ANO9: variants seen among roughly 807,000 people sequenced by gnomAD.
ANO9 encodes the protein anoctamin-9.
A neutral mutation model predicts 100.5 loss-of-function variants in ANO9; 80 were observed. The observed-to-expected ratio is 0.80, with a 90% CI of 0.66 to 0.96. The LOEUF is 0.96. Among genes scored for constraint, ANO9 ranks in the 40% least tolerant of loss-of-function variants. The pLI is 0.00. For synonymous variants in ANO9, 473 were observed against 435.6 expected (o/e 1.09, Z -1.07); for missense variants, 1,064 against 1,072.7 (o/e 0.99, Z 0.11).
Position 430,342 on chromosome 11 carries a change from G to A in ANO9, c.601C>T (p.Leu201=). The A allele has an allele frequency of 1.2e-6, 2 of 1,610,062 alleles. No homozygotes were observed. Among genetic ancestry groups the A allele is most frequent in the African/African-American group, 1.3e-5 (1 of 74,166 alleles). ...AGGCCCGTCAGGGCGGCCGGCACCAGCATGTAGGTGTACCAGCCCAGCCAG... is the reference window on the plus strand; with the variant it reads ...AGGCCCGTCAGGGCGGCCGGCACCAACATGTAGGTGTACCAGCCCAGCCAG... ...FVWLGWYTYM[L]VPAALTGLLV... Residue 201 remains leucine (L), a synonymous_variant, in exon 8 of 23, where the codon CTG becomes TTG. Coordinates refer to ENST00000332826, the MANE Select transcript of ANO9 (RefSeq NM_001012302.3).
chr11:421,183 G>C lies in ANO9; in HGVS notation c.1350C>G (p.Pro450=). Residue 450 remains proline (P), a synonymous_variant, in exon 16 of 23, where the codon CCC becomes CCG. Coordinates refer to ENST00000332826, the MANE Select transcript of ANO9 (RefSeq NM_001012302.3). This position sits in a 1 kb window ranked among gnomAD's most constrained non-coding sequence, Gnocchi z 6.8. ...AGCCCGCCAGGCGCGTGGACTTCCC[G>C]GGGTGGCCGTTGATCCTGGGGAGGA... ...AFILGRINGH[P]GKSTRLAGLW... is the part of the protein sequence containing the mutation. 1.3e-6 allele frequency: 2 copies of C among 1,556,398 alleles called. No homozygotes were observed. The highest frequency in any genetic ancestry group is 1.7e-6 in the Non-Finnish European group (2 of 1,147,920).
Position 421,734 on chromosome 11 carries a change from G to A in ANO9, c.1335-536C>T, listed in dbSNP as rs1264812321. The stretch of plus-strand genomic sequence containing the variant: ...TTACGAGTGGCCTCGGTTTCTCCCC[G>A]TGGAAACGGCACGATGGGTTATTTT... On this transcript the variant is annotated intron_variant, in intron 15 of 22. Transcript: ENST00000332826. This position sits in a 1 kb window ranked among gnomAD's most constrained non-coding sequence, Gnocchi z 6.8. Among the ~76,000 whole-genome samples, 1 of 152,222 alleles carries A rather than the reference G, an allele frequency of 6.6e-6. No individual in the cohort carries two copies. Among genetic ancestry groups the A allele is most frequent in the African/African-American group, 2.4e-5 (1 of 41,444 alleles).
Position 418,260 on chromosome 11 carries a change from A to T in ANO9, c.*111T>A. On this transcript the variant is annotated 3_prime_UTR_variant, in exon 23 of 23. Transcript: ENST00000332826. ...ATACAGGGGATTCCTGCGGCCCCAC[A>T]TGGGCACAGCCTTCTCACAGCACCC... 1 of 1,128,530 alleles carries T rather than the reference A, an allele frequency of 8.9e-7. No individual in the cohort carries two copies. 69.9% of individuals were successfully genotyped at this position (1,128,530 alleles called of 1,614,324 possible).
intron 4 of ANO9, chr11:433,013 C>G (rs1243787975): frequency 5.1e-6 from 2 of 394,472 alleles, no homozygotes; most frequent in East Asian, 9.0e-5. Flanking sequence ...GGCCCCTGGG[C>G]CTCTGCAAAT....
Position 422,423 on chromosome 11 carries a change from G to A in ANO9, c.1335-1225C>T, listed in dbSNP as rs1052905462. Among the ~76,000 whole-genome samples the A allele has an allele frequency of 2.0e-5, 3 of 152,272 alleles. No homozygotes were observed. The highest frequency in any genetic ancestry group is 6.5e-5 in the Admixed American group (1 of 15,288). ...AAGGCTGCTAATCAGCTGACTTTAA[G>A]ACGGGGAGATTATCTTGGGTTATCT... On this transcript the variant is annotated intron_variant, in intron 15 of 22. Transcript: ENST00000332826. This position sits in a 1 kb window ranked among gnomAD's most constrained non-coding sequence, Gnocchi z 4.3.
In ANO9 at chr11:419,645, A is replaced by G. The variant is rs1385211696; in HGVS notation, c.1871T>C (p.Ile624Thr). Residue 624 changes from isoleucine (I) to threonine (T), a missense_variant, in exon 20 of 23, where the codon ATC (isoleucine) becomes ACC (threonine). Coordinates refer to ENST00000332826, the MANE Select transcript of ANO9 (RefSeq NM_001012302.3). ...GMVIAFTSEF[I>T]PRVVYKYRYS... is the part of the protein sequence containing the mutation. ...GCGGTACTTGTAGACCACTCGGGGG[A>G]TGAACTCAGATGTGAAGGCAATGAC... is the stretch of plus-strand genomic sequence containing the variant. The G allele has an allele frequency of 6.2e-7, 1 of 1,613,286 alleles. No individual in the cohort carries two copies. The highest frequency in any genetic ancestry group is 8.5e-7 in the Non-Finnish European group (1 of 1,179,874).
rs117244311 is a variant in ANO9, at chr11:433,053, T to C, written c.350+261A>G. 8.2e-4 allele frequency: 404 copies of C among 490,360 alleles called. 4 individuals carry two copies. The East Asian group carries it at 0.012, about 14-fold the overall frequency. The allele number at this position is 490,360 out of a possible 1,614,324, so 30.4% of individuals were successfully genotyped here. ...CCCAACCCCTAAGGCTGGCTGTGACTGTGTCCCCAGGAACACAGGCAGCCA... is the reference window on the plus strand; with the variant it reads ...CCCAACCCCTAAGGCTGGCTGTGACCGTGTCCCCAGGAACACAGGCAGCCA... On this transcript the variant is annotated intron_variant, in intron 4 of 22. Coordinates refer to ENST00000332826, the MANE Select transcript of ANO9 (RefSeq NM_001012302.3).
intron 1 of ANO9, among the ~76,000 whole-genome samples, chr11:441,499 C>G (rs1478620935): frequency 5.9e-5 from 9 of 152,244 alleles, no homozygotes; most frequent in Admixed American, 5.2e-4. Context: ...CTGCCTGGTG[C>G]CCACAGCCCG....
At chr11:439,498 C>T (rs1462853103) in intron 1 of ANO9, among the ~76,000 whole-genome samples, 2 of 103,700 alleles carry the variant, frequency 1.9e-5, no homozygotes, top group East Asian at 5.5e-4. Flanking sequence ...TGACGCACAT[C>T]CCCCCAGCTG....
At chr11:435,144 G>C (rs979937144) in intron 1 of ANO9, among the ~76,000 whole-genome samples, 5 of 151,744 alleles carry the variant, frequency 3.3e-5, no homozygotes, top group South Asian at 2.1e-4. Context: ...GTAGGGTATA[G>C]TATGGTATAG....
chr11:421,783 A>G lies in ANO9; in HGVS notation c.1335-585T>C, dbSNP rs1416376296. Reference sequence around the variant, plus strand: ...TTGTGTTTAAAATCACCTGCTTTCCATAATATGAGAAATACATGAACTATC... The same window carrying G: ...TTGTGTTTAAAATCACCTGCTTTCCGTAATATGAGAAATACATGAACTATC... On this transcript the variant is annotated intron_variant, in intron 15 of 22. Transcript: ENST00000332826. This position sits in a 1 kb window ranked among gnomAD's most constrained non-coding sequence, Gnocchi z 6.8. 2.0e-5 allele frequency among the ~76,000 whole-genome samples: 3 copies of G among 152,250 alleles called. No individual in the cohort carries two copies. The highest frequency in any genetic ancestry group is 4.4e-5 in the Non-Finnish European group (3 of 68,040).
At chr11:425,878 G>C (rs188770548) in intron 15 of ANO9, among the ~76,000 whole-genome samples, 1 of 150,794 alleles carries the variant, frequency 6.6e-6, no homozygotes, top group South Asian at 2.1e-4. Flanking sequence ...ACAGGTGCCC[G>C]CCACCACGCC....
intron 8 of ANO9, 33 bp downstream of exon 8, chr11:430,236 G>T (rs777044742): frequency 1.3e-6 from 2 of 1,552,214 alleles, no homozygotes; most frequent in South Asian, 1.2e-5. Context: ...GGCCCACCCC[G>T]GCCCCCCATG....
At chr11:419,096 G>T in intron 20 of ANO9, 107 bp from the exon 21 acceptor site, 1 of 1,559,776 alleles carries the variant, frequency 6.4e-7, no homozygotes, top group Non-Finnish European at 8.7e-7. Flanking sequence ...TGAGGTGGGG[G>T]CCACGCCACA....
chr11:430,017 C>T, intron 9 of ANO9, 66 bp downstream of exon 9: 1 of 1,509,550 alleles, frequency 6.6e-7, no homozygotes, highest in Non-Finnish European at 9.0e-7. Flanking sequence ...TTGATCTCCC[C>T]CGCTTCGGGT....
At chr11:435,743 A>G (rs1438110112) in intron 1 of ANO9, among the ~76,000 whole-genome samples, 1 of 151,638 alleles carries the variant, frequency 6.6e-6, no homozygotes, top group African/African-American at 2.4e-5. Context: ...AATATGGTAT[A>G]GTCTAGTATA....
At chr11:427,003 C>T (rs1183376708) in intron 15 of ANO9, among the ~76,000 whole-genome samples, 3 of 152,144 alleles carry the variant, frequency 2.0e-5, no homozygotes, top group Non-Finnish European at 2.9e-5. Context: ...AGGGTTCACC[C>T]GCAGGAGCTT....
In ANO9 at chr11:418,912, C is replaced by A; in HGVS notation, c.2012G>T (p.Gly671Val). ...CCTGCACAGAGTCACGTTTTCTGAGCCCTCAATCCCATCAGGGTCCTGGAA... is the reference window on the plus strand; with the variant it reads ...CCTGCACAGAGTCACGTTTTCTGAGACCTCAATCCCATCAGGGTCCTGGAA... ...KDFQDPDGIE[G>V]SENVTLCRYR... The change falls in exon 21 of 23, where the codon GGC (glycine) becomes GTC (valine). Residue 671 changes from glycine to valine, a missense_variant. Coordinates refer to ENST00000332826, the MANE Select transcript of ANO9 (RefSeq NM_001012302.3). 1.2e-6 allele frequency: 2 copies of A among 1,613,614 alleles called. No individual in the cohort carries two copies. The highest frequency in any genetic ancestry group is 1.7e-6 in the Non-Finnish European group (2 of 1,179,912).
chr11:428,620 A>G lies in ANO9; in HGVS notation c.1040T>C (p.Met347Thr). The change falls in exon 13 of 23, where the codon ATG becomes ACG. Residue 347 changes from methionine (M) to threonine (T), a missense_variant. Coordinates refer to ENST00000332826, the MANE Select transcript of ANO9 (RefSeq NM_001012302.3). ...GCGGTAGACCACCAGGACGTGGGCC[A>G]TGCCGATCATGAGGCAGATCTGCGG... ...TLLMICLMIG[M>T]AHVLVVYRVL... 6.2e-7 allele frequency: 1 copy of G among 1,612,096 alleles called. No individual in the cohort carries two copies. The highest frequency in any genetic ancestry group is 8.5e-7 in the Non-Finnish European group (1 of 1,179,548).
Sources: gnomAD v4.1 joint callset for allele counts (sites outside exome capture counted in the v4.1 genomes callset) on GRCh38, gnomAD v4.1.1 for gene constraint, Gnocchi (gnomAD v3.1) non-coding constraint, MANE v1.5 for transcripts, NCBI Gene and HGNC (gene_info 2026-07-23, HGNC 2026-07-21) for gene names.